Variants in RPL13A observed in about 807,000 individuals in gnomAD.
RPL13A encodes the protein large ribosomal subunit protein uL13.
In RPL13A, 4 loss-of-function variants were observed where a neutral mutation model predicts 30.8. That is an observed-to-expected ratio of 0.13 (90% CI 0.06 to 0.30). The LOEUF is 0.30. Among genes scored for constraint, RPL13A ranks in the 10% least tolerant of loss-of-function variants. The pLI, the probability that RPL13A is intolerant of heterozygous loss-of-function variation, is 1.00. For missense variants in RPL13A, 196 were observed against 272.6 expected, an observed-to-expected ratio of 0.72 and a Z score of 1.98; for synonymous variants, 108 against 104.2, an observed-to-expected ratio of 1.04 and a Z score of -0.22.
rs3203517 is a variant in RPL13A at position 49,492,265 on chromosome 19, C to T, written c.*450C>T. 0.017 allele frequency: 2,748 copies of T among 159,792 alleles called. 94 individuals are homozygous for T. The highest frequency in any genetic ancestry group is 0.062 in the African/African-American group (2,591 of 41,656). The allele number at this position is 159,792 out of a possible 1,614,324, so 9.9% of individuals were successfully genotyped here. ...GGGGTTACAGGCATCGCCCATGCTC[C>T]TCACCTGTATTTTGTAATCAGAAAT... On this transcript the variant is annotated 3_prime_UTR_variant, in exon 8 of 8. Coordinates refer to ENST00000391857, the MANE Select transcript of RPL13A (RefSeq NM_012423.4).
rs199639620 is a variant in RPL13A at position 49,489,939 on chromosome 19, G to C, written c.88+17G>C. ...TACTGCTGGGTAAGTCGCTGCTCGT[G>C]GCCCCTCTGTCATGGGCCCCCGCTG... On this transcript the variant is annotated intron_variant, in intron 2 of 7. Transcript: ENST00000391857. The C allele has an allele frequency of 1.4e-4, 222 of 1,607,366 alleles. 1 individual carries two copies. The African/African-American group carries it at 2.7e-3, about 19-fold the overall frequency.
chr19:49,487,755 A>G, intron 1 of RPL13A, 111 bp downstream of exon 1: 1 of 1,155,670 alleles, frequency 8.7e-7, no homozygotes, highest in African/African-American at 1.6e-5. Context: ...ATCCATAATG[A>G]AGCAAAATGG....
At chr19:49,491,294 A>T in intron 6 of RPL13A, 131 bp from the exon 7 acceptor site, 1 of 1,146,918 alleles carries the variant, frequency 8.7e-7, no homozygotes, top group Non-Finnish European at 1.3e-6. Context: ...AGGCCTGCAG[A>T]GAACAGTTGC....
Position 49,488,461 on chromosome 19 carries a change from A to G in RPL13A, c.15+817A>G, listed in dbSNP as rs541319343. Among the ~76,000 whole-genome samples, 6 of 152,328 alleles carry G rather than the reference A, an allele frequency of 3.9e-5. No homozygotes were observed. The South Asian group carries it at 8.3e-4, about 21-fold the overall frequency. On this transcript the variant is annotated intron_variant, in intron 1 of 7. Coordinates refer to ENST00000391857, the MANE Select transcript of RPL13A (RefSeq NM_012423.4). The stretch of plus-strand genomic sequence containing the variant: ...TCTAGGCAAGTTGTGTTCACCAAGC[A>G]TGTGTCTTTGTGCCTAGCACAGTTC...
In RPL13A at chr19:49,491,418, C is replaced by CCG; in HGVS notation, c.403-6_403-5insGC. On this transcript the variant is annotated splice_polypyrimidine_tract_variant and splice_region_variant and intron_variant, in intron 6 of 7. Transcript: ENST00000391857. The stretch of plus-strand genomic sequence containing the variant: ...CATTTGTTCACCCCCCCCCCCCCCC[C>CCG]CCGCAGTTTGCCTATCTGGGGCGCC... 2.6e-6 allele frequency: 3 copies of CCG among 1,168,118 alleles called. No homozygotes were observed. The highest frequency in any genetic ancestry group is 3.8e-5 in the African/African-American group (2 of 52,506). 72.4% of individuals were successfully genotyped at this position (1,168,118 alleles called of 1,614,324 possible). A position where few individuals can be genotyped will look rare whatever the true frequency, so the allele number is the denominator to read the frequency against.
At chr19:49,490,745 C>G in intron 4 of RPL13A, 34 bp from the exon 5 acceptor site, 1 of 1,613,316 alleles carries the variant, frequency 6.2e-7, no homozygotes, top group Non-Finnish European at 8.5e-7. Flanking sequence ...CTTATGAGGC[C>G]CTCTGACTGG....
rs377388983 is a variant in RPL13A at position 49,489,987 on chromosome 19, C to A, written c.88+65C>A. The A allele has an allele frequency of 2.1e-5, 27 of 1,304,950 alleles. No homozygotes were observed. The African/African-American group carries it at 3.5e-4, about 17-fold the overall frequency. 80.8% of individuals were successfully genotyped at this position (1,304,950 alleles called of 1,614,324 possible). ...CTGGAGGTCAGTGATGAGCAACATTCACCATCTTTCGTTTGAGTCTCACGG... is the reference window on the plus strand; with the variant it reads ...CTGGAGGTCAGTGATGAGCAACATTAACCATCTTTCGTTTGAGTCTCACGG... On this transcript the variant is annotated intron_variant, in intron 2 of 7. Coordinates refer to ENST00000391857, the MANE Select transcript of RPL13A (RefSeq NM_012423.4).
At chr19:49,487,991 G>A (rs1163003123) in intron 1 of RPL13A, among the ~76,000 whole-genome samples, 1 of 152,060 alleles carries the variant, frequency 6.6e-6, no homozygotes, top group Non-Finnish European at 1.5e-5. Context: ...CAGCGATGAG[G>A]AACACGCGGA....
At chr19:49,490,953 A>G (rs570250279) in intron 5 of RPL13A, 87 bp from the exon 6 acceptor site, 16 of 1,604,606 alleles carry the variant, frequency 1.0e-5, no homozygotes, top group Non-Finnish European at 1.4e-5. Flanking sequence ...TCCTCATGAA[A>G]GCAGCACTGG....
intron 1 of RPL13A, among the ~76,000 whole-genome samples, chr19:49,488,122 C>T (rs969277716): frequency 2.0e-5 from 3 of 152,150 alleles, no homozygotes; most frequent in Non-Finnish European, 4.4e-5. Context: ...ATCGGGGTCC[C>T]CTGCAGCTCC....
In RPL13A at chr19:49,492,051, A is replaced by T; in HGVS notation, c.*236A>T. ...CCAATAGGAAGAGCAACCAGTTACT[A>T]TGAGTGAAAGGGAGCCAGAAGACTG... On this transcript the variant is annotated 3_prime_UTR_variant, in exon 8 of 8. Transcript: ENST00000391857. 6.1e-6 allele frequency: 3 copies of T among 492,592 alleles called. No individual in the cohort carries two copies. The highest frequency in any genetic ancestry group is 1.1e-5 in the Non-Finnish European group (3 of 271,248). 30.5% of individuals were successfully genotyped at this position (492,592 alleles called of 1,614,324 possible). A position where few individuals can be genotyped will look rare whatever the true frequency, so the allele number is the denominator to read the frequency against.
chr19:49,490,922 G>C (rs201625100), intron 5 of RPL13A, 58 bp downstream of exon 5: 12 of 1,604,844 alleles, frequency 7.5e-6, no homozygotes, highest in Non-Finnish European at 1.7e-6. Context: ...ATGATGTTCC[G>C]CAACTACCTA....
chr19:49,491,400 T>TCCCCCCC (rs1555806959), intron 6 of RPL13A, 25 bp from the exon 7 acceptor site: 8 of 977,636 alleles, frequency 8.2e-6, no homozygotes, highest in South Asian at 1.4e-5. Flanking sequence ...CTTCATTTGT[T>TCCCCCCC]CACCCCCCCC....
rs937956742 is a variant in RPL13A at position 49,489,935 on chromosome 19, T to TCGTG, written c.88+14_88+17dup. The TCGTG allele has an allele frequency of 3.1e-6, 5 of 1,608,170 alleles. No individual in the cohort carries two copies. Among genetic ancestry groups the TCGTG allele is most frequent in the Non-Finnish European group, 4.3e-6 (5 of 1,175,004 alleles). ...CAGGTACTGCTGGGTAAGTCGCTGCTCGTGGCCCCTCTGTCATGGGCCCCC... is the reference window on the plus strand; with the variant it reads ...CAGGTACTGCTGGGTAAGTCGCTGCTCGTGCGTGGCCCCTCTGTCATGGGCCCCC... On this transcript the variant is annotated intron_variant, in intron 2 of 7. Coordinates refer to ENST00000391857, the MANE Select transcript of RPL13A (RefSeq NM_012423.4).
chr19:49,487,993 A>G (rs554318020), intron 1 of RPL13A, among the ~76,000 whole-genome samples: 11 of 152,050 alleles, frequency 7.2e-5, no homozygotes, highest in Non-Finnish European at 7.4e-5. Context: ...GCGATGAGGA[A>G]CACGCGGAAG....
Position 49,490,457 on chromosome 19 carries a change from A to T in RPL13A, c.155-18A>T. On this transcript the variant is annotated intron_variant, in intron 3 of 7. Transcript: ENST00000391857. The stretch of plus-strand genomic sequence containing the variant: ...TGCTGGTAGACTGGGCAGGCCTCAC[A>T]CTCTCCCCTCTCCCTAGTGAAGTAC... 1 of 1,612,264 alleles carries T rather than the reference A, an allele frequency of 6.2e-7. No individual in the cohort carries two copies. The highest frequency in any genetic ancestry group is 1.7e-4 in the Middle Eastern group (1 of 6,006).
Position 49,491,822 on chromosome 19 carries a change from TAA to T in RPL13A, c.*9_*10del. 1 of 1,591,054 alleles carries T rather than the reference TAA, an allele frequency of 6.3e-7. No homozygotes were observed. The highest frequency in any genetic ancestry group is 1.1e-5 in the South Asian group (1 of 89,690). ...CCACGGACTCCTGGTCTGAGCCCAA[TAA>T]AGACTGTTAATTCCTCATGCGTTGC... On this transcript the variant is annotated 3_prime_UTR_variant, in exon 8 of 8. Transcript: ENST00000391857.
At chr19:49,490,035 C>T (rs759274029) in intron 2 of RPL13A, 113 bp downstream of exon 2, 21 of 1,028,318 alleles carry the variant, frequency 2.0e-5, no homozygotes, top group African/African-American at 3.1e-5. Flanking sequence ...CCCCATGCAC[C>T]GCTCTGAGAC....
chr19:49,491,458 G>A lies in RPL13A; in HGVS notation c.436G>A (p.Gly146Ser). The part of the protein sequence containing the change: ...AYLGRLAHEV[G>S]WKYQAVTATL... ...TCTGGGGCGCCTGGCTCACGAGGTT[G>A]GCTGGAAGTACCAGGCAGTGACAGC... is the stretch of plus-strand genomic sequence containing the variant. Residue 146 changes from glycine to serine, a missense_variant, in exon 7 of 8, where the codon GGC (glycine) becomes AGC (serine). Coordinates refer to ENST00000391857, the MANE Select transcript of RPL13A (RefSeq NM_012423.4). 1 of 1,485,428 alleles carries A rather than the reference G, an allele frequency of 6.7e-7. No individual in the cohort carries two copies. The highest frequency in any genetic ancestry group is 9.0e-7 in the Non-Finnish European group (1 of 1,106,204). 92.0% of individuals were successfully genotyped at this position (1,485,428 alleles called of 1,614,324 possible).
Sources: allele counts gnomAD v4.1 joint callset (sites outside exome capture counted in the v4.1 genomes callset), GRCh38; gene constraint gnomAD v4.1.1; transcripts MANE v1.5; gene names NCBI Gene and HGNC (gene_info 2026-07-23, HGNC 2026-07-21).